The following NXNL2 variants were observed in gnomAD, a reference collection of about 807,000 sequenced individuals.
NXNL2 encodes nucleoredoxin like 2, also known as nucleoredoxin-like protein 2.
NXNL2 carries 7 observed loss-of-function variants against 11.1 expected under a neutral mutation model. The ratio of observed to expected loss-of-function variants is 0.63; its 90% CI spans 0.36 to 1.18. The LOEUF (loss-of-function observed/expected upper bound fraction) is 1.18, where lower values mean the gene tolerates loss of function less well. NXNL2 is among the 50% of genes most tolerant of loss of function. The pLI, the probability that NXNL2 is intolerant of heterozygous loss-of-function variation, is 0.02. For missense variants in NXNL2, 233 were observed against 217.7 expected (o/e 1.07, Z -0.44); for synonymous variants, 109 against 101.8 (o/e 1.07, Z -0.42).
chr9:88,550,113 C>T lies in NXNL2; in HGVS notation c.302+14377C>T, dbSNP rs534508461. On this transcript the variant is annotated intron_variant, in intron 1 of 2. Transcript: ENST00000375855. ...GATTACAGGCGTGAGCCACAGTGCC[C>T]GGCCTGCCACACACTTTTAAACTAC... Among the ~76,000 whole-genome samples the T allele has an allele frequency of 1.5e-3, 234 of 152,216 alleles. 1 individual carries two copies. Among genetic ancestry groups the T allele is most frequent in the Non-Finnish European group, 2.9e-3 (195 of 68,014 alleles).
rs539686162 is a variant in NXNL2 at position 88,537,299 on chromosome 9, G to T, written c.302+1563G>T. Among the ~76,000 whole-genome samples the T allele has an allele frequency of 2.6e-5, 4 of 152,286 alleles. No individual in the cohort carries two copies. In the South Asian group the frequency reaches 8.3e-4, roughly 32 times the overall value. ...CTGCCGTGCCCTACTTCCTCACTGAGGGGGTGGTGAGTCTTGGTCCCCAGC... is the reference window on the plus strand; with the variant it reads ...CTGCCGTGCCCTACTTCCTCACTGATGGGGTGGTGAGTCTTGGTCCCCAGC... On this transcript the variant is annotated intron_variant, in intron 1 of 1. Coordinates refer to ENST00000375854, the MANE Select transcript of NXNL2 (RefSeq NM_001161625.2).
chr9:88,560,593 A>G (rs1337872255), intron 1 of NXNL2, among the ~76,000 whole-genome samples: 1 of 152,172 alleles, frequency 6.6e-6, no homozygotes, highest in Non-Finnish European at 1.5e-5. Context: ...TATCTTGGCT[A>G]TGCCAGGTTC....
chr9:88,575,625 A>G lies in NXNL2; in HGVS notation c.*555A>G, dbSNP rs527533981. On this transcript the variant is annotated 3_prime_UTR_variant, in exon 3 of 3. Transcript: ENST00000375855. ...AGCTGGAAAGGAAAGTGGGGTTGGGAGGAAGGTGGGAATGGTTAATAGGTA... is the reference window on the plus strand; with the variant it reads ...AGCTGGAAAGGAAAGTGGGGTTGGGGGGAAGGTGGGAATGGTTAATAGGTA... The G allele has an allele frequency of 2.0e-5, 3 of 152,320 alleles. No homozygotes were observed. In the South Asian group the frequency reaches 6.2e-4, roughly 32 times the overall value. The allele number at this position is 152,320 out of a possible 1,614,324, so 9.4% of individuals were successfully genotyped here.
chr9:88,558,357 A>C (rs911362637), intron 1 of NXNL2, among the ~76,000 whole-genome samples: 5 of 152,102 alleles, frequency 3.3e-5, no homozygotes, highest in Non-Finnish European at 7.4e-5. Flanking sequence ...AGGGCATGGA[A>C]GCTCCATACC....
chr9:88,547,756 C>A (rs1345190698), downstream of NXNL2, among the ~76,000 whole-genome samples: 1 of 152,146 alleles, frequency 6.6e-6, no homozygotes, highest in Non-Finnish European at 1.5e-5. Context: ...GTGGCTCATG[C>A]CTATAATCCC....
chr9:88,582,039 C>T (rs1430656016), intron 1 of NXNL2, among the ~76,000 whole-genome samples: 8 of 152,160 alleles, frequency 5.3e-5, no homozygotes, highest in Non-Finnish European at 8.8e-5. Context: ...AGAGCTCATT[C>T]GGGGTTCTCA....
chr9:88,581,194 C>G (rs974988614), intron 1 of NXNL2, among the ~76,000 whole-genome samples: 50 of 152,194 alleles, frequency 3.3e-4, no homozygotes, highest in African/African-American at 1.1e-3. Flanking sequence ...AGTCTTTTAG[C>G]TGCTGTCCCA....
intron 2 of NXNL2, among the ~76,000 whole-genome samples, chr9:88,574,807 C>T (rs547941758): frequency 1.3e-5 from 2 of 152,058 alleles, no homozygotes; most frequent in Non-Finnish European, 2.9e-5. Context: ...TGGATTTTTG[C>T]GAAGACTGGA....
At chr9:88,541,222 G>T (rs1230475663) in intron 1 of NXNL2, among the ~76,000 whole-genome samples, 1 of 149,458 alleles carries the variant, frequency 6.7e-6, no homozygotes, top group Admixed American at 6.7e-5. Flanking sequence ...CCTGATTTTT[G>T]ATATTCTTCT....
intron 1 of NXNL2, among the ~76,000 whole-genome samples, chr9:88,560,703 G>C (rs1830075086): frequency 6.6e-6 from 1 of 152,120 alleles, no homozygotes; most frequent in Non-Finnish European, 1.5e-5. Flanking sequence ...AGGAGTTTGA[G>C]TCCAAGTCTA....
intron 1 of NXNL2, among the ~76,000 whole-genome samples, chr9:88,550,415 C>T (rs1289937427): frequency 6.6e-6 from 1 of 152,168 alleles, no homozygotes; most frequent in African/African-American, 2.4e-5. Flanking sequence ...TTGTGAGGTG[C>T]CAACAAGAAT....
Position 88,563,227 on chromosome 9 carries a change from C to T in NXNL2, c.303-7860C>T, listed in dbSNP as rs1490324853. ...ACAGAAATACACATGTATGCTCGTG[C>T]ACATGCATGCTCACACATATGTGTG... On this transcript the variant is annotated intron_variant, in intron 1 of 2. Coordinates refer to the NXNL2 transcript ENST00000375855. 2.6e-5 allele frequency among the ~76,000 whole-genome samples: 4 copies of T among 152,236 alleles called. No homozygotes were observed. The East Asian group carries it at 7.7e-4, about 29-fold the overall frequency.
chr9:88,578,326 G>A (rs1830370270), downstream of NXNL2, among the ~76,000 whole-genome samples: 1 of 152,222 alleles, frequency 6.6e-6, no homozygotes, highest in Non-Finnish European at 1.5e-5. Flanking sequence ...GCCTGAAGCA[G>A]TCCCTGCCGG....
downstream of NXNL2, among the ~76,000 whole-genome samples, chr9:88,580,153 CTT>C (rs756690090): frequency 3.3e-4 from 42 of 127,700 alleles, no homozygotes; most frequent in East Asian, 1.1e-3. Flanking sequence ...AAAAAAAATT[CTT>C]TTTTTTTTTT....
intron 1 of NXNL2, among the ~76,000 whole-genome samples, chr9:88,550,285 T>G (rs1454727465): frequency 6.6e-6 from 1 of 152,028 alleles, no homozygotes; most frequent in African/African-American, 2.4e-5. Context: ...AACATGATAT[T>G]TGGGAAGGGA....
intron 1 of NXNL2, chr9:88,538,269 C>T (rs1358764196): frequency 6.6e-6 from 1 of 152,224 alleles, no homozygotes; most frequent in African/African-American, 2.4e-5. Context: ...ACCACCTCCA[C>T]CCTCCTGATT....
rs186713610 is a variant in NXNL2 at position 88,583,566 on chromosome 9, G to A, written n.552-433G>A. The stretch of plus-strand genomic sequence containing the variant: ...CCCGCTTTGGGGGCATGAAATCTTA[G>A]GATGGTGCTGAGATTGTGCTGCTCT... On this transcript the variant is annotated intron_variant and non_coding_transcript_variant, in intron 1 of 1. Coordinates refer to the NXNL2 transcript ENST00000478686. Among the ~76,000 whole-genome samples, 368 of 152,328 alleles carry A rather than the reference G, an allele frequency of 2.4e-3. 2 individuals carry two copies. Among genetic ancestry groups the A allele is most frequent in the Non-Finnish European group, 1.9e-3 (126 of 68,028 alleles).
At chr9:88,566,170 G>A (rs192389308) in intron 1 of NXNL2, among the ~76,000 whole-genome samples, 3 of 152,182 alleles carry the variant, frequency 2.0e-5, no homozygotes, top group Admixed American at 2.0e-4. Flanking sequence ...TTTCTTTGCT[G>A]TGTTGAAGCT....
chr9:88,558,363 A>C (rs1482846261), intron 1 of NXNL2, among the ~76,000 whole-genome samples: 1 of 152,140 alleles, frequency 6.6e-6, no homozygotes, highest in East Asian at 1.9e-4. Context: ...TGGAAGCTCC[A>C]TACCCCTTCT....
Sources: allele counts gnomAD v4.1 joint callset (sites outside exome capture counted in the v4.1 genomes callset), GRCh38; gene constraint gnomAD v4.1.1; transcripts MANE v1.5; gene names NCBI Gene and HGNC (gene_info 2026-07-23, HGNC 2026-07-21).